The following ZNF438 variants were observed in gnomAD, a reference collection of about 807,000 sequenced individuals.
ZNF438 encodes zinc finger protein 438.
In ZNF438, 25 loss-of-function variants were observed where a neutral mutation model predicts 38.0. The observed-to-expected ratio is 0.66, with a 90% confidence interval of 0.48 to 0.92. The LOEUF (loss-of-function observed/expected upper bound fraction) is 0.92, where lower values mean the gene tolerates loss of function less well. ZNF438 is among the 40% of genes least tolerant of loss of function. The pLI is 0.00. For missense variants in ZNF438, 1,007 were observed against 999.6 expected (o/e 1.01, Z -0.10); for synonymous variants, 372 against 364.1 (o/e 1.02, Z -0.25).
At chr10:30,989,164 T>C (rs916600581) in intron 1 of ZNF438, among the ~76,000 whole-genome samples, 4 of 152,340 alleles carry the variant, frequency 2.6e-5, no homozygotes, top group African/African-American at 7.2e-5. Flanking sequence ...TGCTGTATTC[T>C]ACATGTTTGA....
At chr10:31,007,497 G>A (rs1338338489) in intron 1 of ZNF438, among the ~76,000 whole-genome samples, 1 of 152,048 alleles carries the variant, frequency 6.6e-6, no homozygotes, top group East Asian at 1.9e-4. Flanking sequence ...GGTCAGGCTG[G>A]TCTCCATCTC....
chr10:30,959,409 T>C (rs1490863065), intron 1 of ZNF438, among the ~76,000 whole-genome samples: 2 of 146,048 alleles, frequency 1.4e-5, no homozygotes, highest in African/African-American at 4.9e-5. Context: ...GCCTTTAGAC[T>C]CAAACTGCAA....
intron 2 of ZNF438, among the ~76,000 whole-genome samples, chr10:30,937,914 G>A (rs976892095): frequency 1.3e-5 from 2 of 152,164 alleles, no homozygotes; most frequent in Non-Finnish European, 2.9e-5. Flanking sequence ...CAACTCCTCA[G>A]GAGGGCATTC....
chr10:30,964,646 CT>C (rs1330411936), intron 1 of ZNF438, among the ~76,000 whole-genome samples: 1 of 152,124 alleles, frequency 6.6e-6, no homozygotes, highest in East Asian at 1.9e-4. Context: ...TAAATGAAAT[CT>C]TTTTTTCTAT....
At position 31,011,358 on chromosome 10, in the gene ZNF438, T is replaced by C. The variant is rs960639886; in HGVS notation, c.-192+20475A>G. Among the ~76,000 whole-genome samples, 7 of 152,220 alleles carry C rather than the reference T, an allele frequency of 4.6e-5. No homozygotes were observed. The East Asian group carries it at 1.2e-3, about 25-fold the overall frequency. On this transcript the variant is annotated intron_variant, in intron 1 of 5. Coordinates refer to ENST00000413025, the Ensembl canonical transcript of ZNF438. ...GACCCCCATTTCCCTCGGTTTCCCC[T>C]GGCTGACACACTGGGCTTCCATCAA...
chr10:30,858,903 T>A (rs76256623), intron 4 of ZNF438, among the ~76,000 whole-genome samples: 1,842 of 152,316 alleles, frequency 0.012, 18 homozygotes, highest in Non-Finnish European at 0.02. Context: ...AGTGCATCCA[T>A]CACCTCACTT....
chr10:30,980,364 T>C (rs1351804620), intron 1 of ZNF438, among the ~76,000 whole-genome samples: 2 of 151,870 alleles, frequency 1.3e-5, no homozygotes, highest in East Asian at 3.9e-4. Context: ...CCTAGGTGAC[T>C]TATGACAGTG....
intron 1 of ZNF438, among the ~76,000 whole-genome samples, chr10:30,967,010 G>A (rs1426237821): frequency 6.6e-6 from 1 of 151,956 alleles, no homozygotes; most frequent in East Asian, 1.9e-4. Flanking sequence ...TGATGACTGA[G>A]GACAAAGAGA....
chr10:30,974,651 T>A (rs1432438904), intron 1 of ZNF438, among the ~76,000 whole-genome samples: 4 of 152,318 alleles, frequency 2.6e-5, no homozygotes, highest in South Asian at 2.1e-4. Context: ...CTTCTAATCC[T>A]CCTGTTCAAA....
intron 1 of ZNF438, among the ~76,000 whole-genome samples, chr10:30,968,692 T>C (rs1354468109): frequency 1.3e-5 from 2 of 152,062 alleles, no homozygotes; most frequent in Non-Finnish European, 2.9e-5. Context: ...TCCGCCCACC[T>C]AGCCCTCCCA....
intron 2 of ZNF438, among the ~76,000 whole-genome samples, chr10:30,935,823 A>T (rs1348118012): frequency 6.6e-6 from 1 of 152,168 alleles, no homozygotes; most frequent in Non-Finnish European, 1.5e-5. Flanking sequence ...TTATAAAACC[A>T]TCAGATCTTG....
intron 1 of ZNF438, among the ~76,000 whole-genome samples, chr10:31,020,641 A>C (rs1240192889): frequency 1.3e-5 from 2 of 152,122 alleles, no homozygotes; most frequent in African/African-American, 2.4e-5. Context: ...CCAAATAAAA[A>C]GGATTTTTTT....
intron 2 of ZNF438, among the ~76,000 whole-genome samples, chr10:30,936,668 G>A (rs78493692): frequency 0.085 from 12,929 of 151,820 alleles, 599 homozygotes; most frequent in Non-Finnish European, 0.11. Flanking sequence ...GCAAGACATC[G>A]TCTCAAAAAA....
chr10:30,932,223 TA>T (rs540750797), intron 2 of ZNF438, among the ~76,000 whole-genome samples: 12 of 151,152 alleles, frequency 7.9e-5, no homozygotes, highest in East Asian at 1.9e-4. Context: ...TTGTATGCAT[TA>T]AAAAAAAACT....
At chr10:31,015,800 T>C (rs576265711) in intron 1 of ZNF438, among the ~76,000 whole-genome samples, 1 of 152,226 alleles carries the variant, frequency 6.6e-6, no homozygotes, top group Non-Finnish European at 1.5e-5. Context: ...GGCGCTGGCA[T>C]TGTCAAGTTC....
At chr10:30,891,308 GCTTT>G (rs1427273911) in intron 3 of ZNF438, among the ~76,000 whole-genome samples, 2 of 151,540 alleles carry the variant, frequency 1.3e-5, no homozygotes, top group Admixed American at 6.6e-5. Flanking sequence ...ATTATGTTTT[GCTTT>G]CTATTTATTA....
intron 4 of ZNF438, among the ~76,000 whole-genome samples, chr10:30,866,252 C>T (rs1190764496): frequency 1.3e-5 from 2 of 152,058 alleles, no homozygotes; most frequent in East Asian, 1.9e-4. Context: ...TCAATTCAGC[C>T]GTAAAGCTGA....
At chr10:31,006,789 A>T (rs148951388) in intron 1 of ZNF438, among the ~76,000 whole-genome samples, 200 of 122,694 alleles carry the variant, frequency 1.6e-3, no homozygotes, top group Admixed American at 4.0e-3. Context: ...GGGGGGGGGA[A>T]CTCCCACACG....
intron 3 of ZNF438, among the ~76,000 whole-genome samples, chr10:30,884,313 A>AT (rs1268107154): frequency 1.3e-5 from 2 of 152,166 alleles, no homozygotes; most frequent in Non-Finnish European, 2.9e-5. Context: ...TTATTAAAAA[A>AT]TTTTTGGATA....
Sources: gnomAD v4.1 joint callset for allele counts (sites outside exome capture counted in the v4.1 genomes callset) on GRCh38, gnomAD v4.1.1 for gene constraint, MANE v1.5 for transcripts, NCBI Gene and HGNC (gene_info 2026-07-23, HGNC 2026-07-21) for gene names.